FUT8: variants seen among roughly 807,000 people sequenced by gnomAD.
FUT8 encodes alpha-(1,6)-fucosyltransferase.
FUT8 carries 29 observed loss-of-function variants against 71.3 expected under a neutral mutation model. The observed-to-expected ratio is 0.41, with a 90% CI of 0.30 to 0.55. FUT8 has a LOEUF of 0.55. Ranked by LOEUF, FUT8 falls within the 20% of genes least tolerant of loss-of-function variation. The pLI is 0.34. For synonymous variants in FUT8, 254 were observed against 239.3 expected (o/e 1.06, Z -0.57); for missense variants, 544 against 702.1 (o/e 0.77, Z 2.55).
At chr14:65,359,401 G>A in the FUT8 span, among the ~76,000 whole-genome samples, 1 of 152,168 alleles carries the variant, frequency 6.6e-6, no homozygotes, top group African/African-American at 2.4e-5. Flanking sequence ...GTGGCGTTAA[G>A]TACATTCACG....
intron 1 of FUT8, among the ~76,000 whole-genome samples, chr14:65,441,265 T>C (rs2139485155): frequency 6.6e-6 from 1 of 152,308 alleles, no homozygotes; most frequent in Non-Finnish European, 1.5e-5. Context: ...GAGATTAGGG[T>C]TGTTGAAATA....
chr14:65,496,561 G>A (rs141169063), intron 2 of FUT8, among the ~76,000 whole-genome samples: 4 of 152,126 alleles, frequency 2.6e-5, no homozygotes, highest in East Asian at 1.9e-4. Context: ...GGTTTTATAC[G>A]TGTCTGACAG....
intron 10 of FUT8, among the ~76,000 whole-genome samples, chr14:65,734,399 T>A (rs1406773630): frequency 1.3e-5 from 2 of 152,200 alleles, no homozygotes. Flanking sequence ...GGCGATATGA[T>A]TTTTGGAAAG....
intron 3 of FUT8, among the ~76,000 whole-genome samples, chr14:65,572,415 G>A (rs1428080600): frequency 6.6e-6 from 1 of 152,182 alleles, no homozygotes; most frequent in Non-Finnish European, 1.5e-5. Flanking sequence ...GATGTAGACA[G>A]AGAAGTACAG....
chr14:65,510,881 A>G (rs78274664), intron 2 of FUT8, among the ~76,000 whole-genome samples: 5,228 of 151,234 alleles, frequency 0.035, 139 homozygotes, highest in Middle Eastern at 0.099. Flanking sequence ...CATCTTTTGT[A>G]TTTTCTTTAT....
intron 7 of FUT8, among the ~76,000 whole-genome samples, chr14:65,691,225 C>G (rs551962074): frequency 4.0e-5 from 6 of 151,142 alleles, no homozygotes; most frequent in African/African-American, 1.5e-4. Context: ...ATCTGTATAC[C>G]TTTTCTTTCT....
the FUT8 span, among the ~76,000 whole-genome samples, chr14:65,367,532 G>A: frequency 6.6e-6 from 1 of 152,092 alleles, no homozygotes; most frequent in African/African-American, 2.4e-5. Context: ...AAAGCTCTGT[G>A]GAGTGATTTA....
At chr14:65,504,010 G>T (rs2066687159) in intron 2 of FUT8, among the ~76,000 whole-genome samples, 1 of 152,222 alleles carries the variant, frequency 6.6e-6, no homozygotes, top group African/African-American at 2.4e-5. Flanking sequence ...GATTGCCGCA[G>T]TTGGATGTTA....
At chr14:65,685,013 G>T (rs1363375180) in intron 7 of FUT8, among the ~76,000 whole-genome samples, 1 of 152,226 alleles carries the variant, frequency 6.6e-6, no homozygotes, top group South Asian at 2.1e-4. Flanking sequence ...AGGGGCCACA[G>T]GTAAGAGAAA....
At position 65,525,717 on chromosome 14, in the gene FUT8, C is replaced by T. The variant is rs910840143; in HGVS notation, c.-227-35620C>T. The stretch of plus-strand genomic sequence containing the variant: ...GGCATTTAGTGCTATAAATTTCCCT[C>T]TACAGACTGCTTTAAATGTGTCCCA... On this transcript the variant is annotated intron_variant, in intron 2 of 10. Coordinates refer to ENST00000673929, the MANE Select transcript of FUT8 (RefSeq NM_001371533.1). 2.0e-5 allele frequency among the ~76,000 whole-genome samples: 3 copies of T among 152,350 alleles called. No individual in the cohort carries two copies. The South Asian group carries it at 6.2e-4, about 32-fold the overall frequency.
At chr14:65,511,551 C>G (rs1295918597) in intron 2 of FUT8, among the ~76,000 whole-genome samples, 2 of 152,192 alleles carry the variant, frequency 1.3e-5, no homozygotes, top group Middle Eastern at 3.4e-3. Context: ...ATAATATTTG[C>G]TTTATATATC....
At chr14:65,522,633 T>C (rs923121273) in intron 2 of FUT8, among the ~76,000 whole-genome samples, 5 of 152,134 alleles carry the variant, frequency 3.3e-5, no homozygotes, top group African/African-American at 1.2e-4. Flanking sequence ...GCAGGTTTGT[T>C]ACATATGTAT....
At chr14:65,523,855 G>C (rs1262099687) in intron 2 of FUT8, among the ~76,000 whole-genome samples, 5 of 152,132 alleles carry the variant, frequency 3.3e-5, no homozygotes, top group East Asian at 3.8e-4. Flanking sequence ...GCTTGTTTTT[G>C]TCAGGTTTGT....
intron 6 of FUT8, among the ~76,000 whole-genome samples, chr14:65,648,327 A>G (rs867995263): frequency 1.3e-5 from 2 of 152,006 alleles, no homozygotes; most frequent in Admixed American, 6.6e-5. Flanking sequence ...TGTTCCTTCT[A>G]TTCCTTTAGC....
At chr14:65,593,759 A>G (rs968288484) in intron 3 of FUT8, among the ~76,000 whole-genome samples, 1 of 152,154 alleles carries the variant, frequency 6.6e-6, no homozygotes, top group African/African-American at 2.4e-5. Context: ...TATTTTTAAT[A>G]GAGATGGGGT....
chr14:65,618,534 G>T (rs1436562475), intron 5 of FUT8, among the ~76,000 whole-genome samples: 1 of 152,088 alleles, frequency 6.6e-6, no homozygotes, highest in Non-Finnish European at 1.5e-5. Flanking sequence ...ACTCCAGGAA[G>T]CCAGATTAGA....
chr14:65,632,145 T>G (rs1479632708), intron 6 of FUT8, among the ~76,000 whole-genome samples: 3 of 152,244 alleles, frequency 2.0e-5, no homozygotes, highest in Non-Finnish European at 4.4e-5. Flanking sequence ...GCATTTGGGT[T>G]GGTTCCACAA....
chr14:65,377,598 C>G, the FUT8 span, among the ~76,000 whole-genome samples: 1 of 152,072 alleles, frequency 6.6e-6, no homozygotes, highest in South Asian at 2.1e-4. Context: ...GCTATGTGAT[C>G]CCGGTATGGC....
chr14:65,732,231 G>A (rs1896015698), intron 9 of FUT8, among the ~76,000 whole-genome samples: 1 of 152,172 alleles, frequency 6.6e-6, no homozygotes, highest in African/African-American at 2.4e-5. Context: ...TTATTACAGA[G>A]GCAATGAGGG....
Sources: gnomAD v4.1 joint callset for allele counts (sites outside exome capture counted in the v4.1 genomes callset) on GRCh38, gnomAD v4.1.1 for gene constraint, MANE v1.5 for transcripts, NCBI Gene and HGNC (gene_info 2026-07-23, HGNC 2026-07-21) for gene names.